DNM3: variants seen among roughly 807,000 people sequenced by gnomAD.
The protein encoded by DNM3 is dynamin-3.
DNM3 carries 47 observed loss-of-function variants against 101.6 expected under a neutral mutation model. That is an observed-to-expected ratio of 0.46 (90% CI 0.37 to 0.59). DNM3 has a LOEUF of 0.59. Among genes scored for constraint, DNM3 ranks in the 20% least tolerant of loss-of-function variants. DNM3 has a pLI of 0.00. For missense variants in DNM3, 849 were observed against 1,085.7 expected, an observed-to-expected ratio of 0.78 and a Z score of 3.06; for synonymous variants, 385 against 387.9, an observed-to-expected ratio of 0.99 and a Z score of 0.09.
chr1:172,041,973 CT>C, intron 7 of DNM3, 35 bp from the exon 8 acceptor site: 1 of 1,548,122 alleles, frequency 6.5e-7, no homozygotes, highest in Non-Finnish European at 8.7e-7. Flanking sequence ...AGGCTTGTAA[CT>C]TTGACTTGAA....
At chr1:172,091,923 G>A (rs1273467536) in intron 12 of DNM3, among the ~76,000 whole-genome samples, 2 of 152,046 alleles carry the variant, frequency 1.3e-5, no homozygotes, top group Non-Finnish European at 2.9e-5. Flanking sequence ...ATGAAAAGAT[G>A]GTTAAATGTT....
intron 14 of DNM3, among the ~76,000 whole-genome samples, chr1:172,195,889 T>C (rs180998086): frequency 6.6e-6 from 1 of 151,940 alleles, no homozygotes; most frequent in East Asian, 1.9e-4. Flanking sequence ...TCCTTTTTTG[T>C]AGTAACTATC....
chr1:172,116,682 G>A (rs575283576), intron 13 of DNM3, among the ~76,000 whole-genome samples: 1 of 152,240 alleles, frequency 6.6e-6, no homozygotes. Context: ...AGGGCTTTGT[G>A]GTCAAACTTG....
chr1:172,015,441 C>G (rs548562942), intron 4 of DNM3, among the ~76,000 whole-genome samples: 8 of 152,238 alleles, frequency 5.3e-5, no homozygotes, highest in African/African-American at 1.9e-4. Flanking sequence ...TCTTTAATAT[C>G]TTTCATCAGA....
intron 19 of DNM3, 21 bp from the exon 20 acceptor site, chr1:172,388,550 CTA>C (rs568786348): frequency 6.0e-4 from 958 of 1,593,670 alleles, no homozygotes; most frequent in Non-Finnish European, 7.8e-4. Flanking sequence ...AGTGAGCAAA[CTA>C]TGATTTCTCT....
chr1:172,381,057 GCA>G (rs1328179384), intron 18 of DNM3: 1 of 98,408 alleles, frequency 1.0e-5, no homozygotes, highest in Non-Finnish European at 2.5e-5. Flanking sequence ...ATACACACAT[GCA>G]CACACATATG....
chr1:172,267,184 A>G (rs765453312), intron 15 of DNM3, among the ~76,000 whole-genome samples: 4 of 152,216 alleles, frequency 2.6e-5, no homozygotes, highest in Non-Finnish European at 5.9e-5. Flanking sequence ...ACTGCTTTCC[A>G]TGAGGGAGAG....
At chr1:172,346,848 G>A (rs1276148566) in intron 17 of DNM3, among the ~76,000 whole-genome samples, 1 of 152,128 alleles carries the variant, frequency 6.6e-6, no homozygotes, top group African/African-American at 2.4e-5. Flanking sequence ...AATAATGCCT[G>A]GCAAACAGGT....
intron 18 of DNM3, among the ~76,000 whole-genome samples, chr1:172,384,348 C>T (rs1023085417): frequency 2.0e-5 from 3 of 152,168 alleles, no homozygotes; most frequent in African/African-American, 7.2e-5. Flanking sequence ...AGCCTATAGA[C>T]AGTAAAAATC....
chr1:172,390,074 T>A (rs551781800), intron 20 of DNM3, among the ~76,000 whole-genome samples: 1 of 152,350 alleles, frequency 6.6e-6, no homozygotes, highest in Non-Finnish European at 1.5e-5. Context: ...TTGTTACCAC[T>A]GTTATCATTT....
chr1:171,858,245 A>C (rs939925189), intron 1 of DNM3, among the ~76,000 whole-genome samples: 1 of 152,170 alleles, frequency 6.6e-6, no homozygotes, highest in African/African-American at 2.4e-5. Flanking sequence ...TACATTTATG[A>C]GAAAAAATTC....
chr1:172,393,604 A>AAAG (rs547043321), intron 20 of DNM3: 73,289 of 152,308 alleles, frequency 0.48, 20,422 homozygotes, highest in East Asian at 0.87. Flanking sequence ...CAGCCCTCTA[A>AAAG]AAGTCTGACT....
chr1:171,937,595 G>A (rs778526348), intron 2 of DNM3, among the ~76,000 whole-genome samples: 3 of 151,988 alleles, frequency 2.0e-5, no homozygotes, highest in Non-Finnish European at 4.4e-5. Context: ...TTTGAGACAC[G>A]GTCTCACTCT....
chr1:172,169,844 TA>T (rs2058885043), intron 14 of DNM3, among the ~76,000 whole-genome samples: 1 of 151,926 alleles, frequency 6.6e-6, no homozygotes, highest in South Asian at 2.1e-4. Context: ...TTGTGATATT[TA>T]AATGAACTAT....
In DNM3 at chr1:172,232,110, T is replaced by G. The variant is rs2061360389; in HGVS notation, c.1660-21463T>G. ...AAAGACTGGCAAATTGGATAAAGAGTCAAGACCCATCAGTGTGCTGTATCA... is the reference window on the plus strand; with the variant it reads ...AAAGACTGGCAAATTGGATAAAGAGGCAAGACCCATCAGTGTGCTGTATCA... On this transcript the variant is annotated intron_variant, in intron 14 of 20. Transcript: ENST00000627582. Among the ~76,000 whole-genome samples the G allele has an allele frequency of 3.3e-5, 5 of 151,850 alleles. No homozygotes were observed. The South Asian group carries it at 1.0e-3, about 32-fold the overall frequency.
intron 1 of DNM3, among the ~76,000 whole-genome samples, chr1:171,883,628 C>A (rs1558210322): frequency 6.6e-6 from 1 of 151,960 alleles, no homozygotes. Flanking sequence ...CACACCACCA[C>A]ACCTGGCTAA....
At chr1:172,152,707 T>G (rs1465516037) in intron 14 of DNM3, among the ~76,000 whole-genome samples, 1 of 152,146 alleles carries the variant, frequency 6.6e-6, no homozygotes, top group Non-Finnish European at 1.5e-5. Flanking sequence ...TATATCAAAT[T>G]CCCCACTTAA....
intron 17 of DNM3, among the ~76,000 whole-genome samples, chr1:172,370,871 AT>A (rs2068285288): frequency 6.6e-6 from 1 of 151,916 alleles, no homozygotes; most frequent in South Asian, 2.1e-4. Flanking sequence ...ACTGTTAATT[AT>A]TTTCTTTGTC....
At chr1:172,236,270 C>T (rs180781346) in intron 14 of DNM3, among the ~76,000 whole-genome samples, 1 of 152,140 alleles carries the variant, frequency 6.6e-6, no homozygotes, top group East Asian at 1.9e-4. Flanking sequence ...TTAAATAAGA[C>T]GTGCCATGTC....
Sources: gnomAD v4.1 joint callset for allele counts (sites outside exome capture counted in the v4.1 genomes callset) on GRCh38, gnomAD v4.1.1 for gene constraint, MANE v1.5 for transcripts, NCBI Gene and HGNC (gene_info 2026-07-23, HGNC 2026-07-21) for gene names.